The following SGCD variants were observed in gnomAD, a reference collection of about 807,000 sequenced individuals.
SGCD encodes the protein delta-sarcoglycan.
A neutral mutation model predicts 36.6 loss-of-function variants in SGCD; 18 were observed. The ratio of observed to expected loss-of-function variants is 0.49; its 90% CI spans 0.34 to 0.73. The LOEUF is 0.73. SGCD is among the 30% of genes least tolerant of loss of function. SGCD has a pLI of 0.01. For missense variants in SGCD, 387 were observed against 346.7 expected, an observed-to-expected ratio of 1.12 and a Z score of -0.92; for synonymous variants, 133 against 130.6, an observed-to-expected ratio of 1.02 and a Z score of -0.12.
intron 7 of SGCD, among the ~76,000 whole-genome samples, chr5:156,714,345 A>G (rs1414127652): frequency 6.6e-6 from 1 of 152,316 alleles, no homozygotes; most frequent in African/African-American, 2.4e-5. Context: ...GCCCCCAACT[A>G]TAGTCCTGAA....
intron 7 of SGCD, among the ~76,000 whole-genome samples, chr5:156,707,944 CCACTGGTGT>C (rs1477764560): frequency 6.6e-6 from 1 of 152,040 alleles, no homozygotes; most frequent in African/African-American, 2.4e-5. Context: ...GGAGAGCATA[CCACTGGTGT>C]CACTCAGGAT....
At chr5:156,710,513 A>G (rs1017651193) in intron 7 of SGCD, among the ~76,000 whole-genome samples, 2 of 152,224 alleles carry the variant, frequency 1.3e-5, no homozygotes, top group Admixed American at 6.5e-5. Flanking sequence ...CACGTGCCCA[A>G]GGTGGTTGGG....
intron 1 of SGCD, among the ~76,000 whole-genome samples, chr5:156,115,137 A>G (rs1761879489): frequency 6.6e-6 from 1 of 152,090 alleles, no homozygotes; most frequent in South Asian, 2.1e-4. Flanking sequence ...ATGGAAATAA[A>G]TTGTTTTTAT....
At chr5:156,514,601 C>T (rs548825767) in intron 4 of SGCD, among the ~76,000 whole-genome samples, 3 of 152,122 alleles carry the variant, frequency 2.0e-5, no homozygotes, top group South Asian at 2.1e-4. Context: ...CTCTGCCTAT[C>T]GTAAGATAGT....
intron 1 of SGCD, among the ~76,000 whole-genome samples, chr5:156,042,442 G>A (rs980743810): frequency 6.6e-6 from 1 of 152,130 alleles, no homozygotes; most frequent in Non-Finnish European, 1.5e-5. Context: ...TTTGCCCACT[G>A]CCCAGATAGA....
chr5:155,779,938 G>A, the SGCD span, among the ~76,000 whole-genome samples: 3 of 151,916 alleles, frequency 2.0e-5, no homozygotes, highest in African/African-American at 7.3e-5. Context: ...GGACACTCAG[G>A]TTTCCTCTTT....
At chr5:156,296,600 G>A (rs1766898406) in intron 3 of SGCD, among the ~76,000 whole-genome samples, 1 of 151,938 alleles carries the variant, frequency 6.6e-6, no homozygotes, top group Non-Finnish European at 1.5e-5. Context: ...TGAATTTTTC[G>A]ATTTTCCTTC....
chr5:156,462,992 A>G (rs905947079), intron 3 of SGCD, among the ~76,000 whole-genome samples: 1 of 152,192 alleles, frequency 6.6e-6, no homozygotes, highest in Non-Finnish European at 1.5e-5. Flanking sequence ...CTTATTCTTG[A>G]GAAAAGTTCA....
intron 1 of SGCD, among the ~76,000 whole-genome samples, chr5:155,954,522 A>G (rs1476176861): frequency 1.3e-5 from 2 of 152,070 alleles, no homozygotes; most frequent in Admixed American, 6.6e-5. Flanking sequence ...CCATCTGTAC[A>G]ACAAGGATAA....
At chr5:156,521,254 A>T (rs1757391517) in intron 4 of SGCD, among the ~76,000 whole-genome samples, 1 of 152,182 alleles carries the variant, frequency 6.6e-6, no homozygotes, top group South Asian at 2.1e-4. Context: ...AAAACTCTAG[A>T]AGAAAATCTA....
chr5:155,756,281 A>G, the SGCD span, among the ~76,000 whole-genome samples: 1 of 152,232 alleles, frequency 6.6e-6, no homozygotes, highest in East Asian at 1.9e-4. Flanking sequence ...TCCATAGGGT[A>G]CTGATTATCC....
chr5:156,608,629 A>T (rs1386941917), intron 6 of SGCD, among the ~76,000 whole-genome samples: 1 of 152,100 alleles, frequency 6.6e-6, no homozygotes, highest in Non-Finnish European at 1.5e-5. Flanking sequence ...GATCTGTCTA[A>T]TGTTGACAGT....
At chr5:156,194,667 T>TTAAACCTGCTCTTCCGTACCTTGCTTTA (rs1763978234) in intron 3 of SGCD, among the ~76,000 whole-genome samples, 1 of 151,958 alleles carries the variant, frequency 6.6e-6, no homozygotes, top group Non-Finnish European at 1.5e-5. Flanking sequence ...TATAATATAA[T>TTAAACCTGCTCTTCCGTACCTTGCTTTA]TGACAAGTAA....
intron 4 of SGCD, among the ~76,000 whole-genome samples, chr5:156,527,067 C>T (rs762148221): frequency 2.6e-5 from 4 of 152,300 alleles, no homozygotes; most frequent in Middle Eastern, 3.4e-3. Flanking sequence ...TCCTCAAATT[C>T]TTCCTCATTG....
At chr5:156,352,550 C>T (rs1769310827) in intron 3 of SGCD, among the ~76,000 whole-genome samples, 1 of 152,266 alleles carries the variant, frequency 6.6e-6, no homozygotes, top group South Asian at 2.1e-4. Flanking sequence ...ATGGTAGGAC[C>T]TCAGTAAATG....
At chr5:156,607,030 T>A (rs1469149646) in intron 6 of SGCD, among the ~76,000 whole-genome samples, 1 of 152,314 alleles carries the variant, frequency 6.6e-6, no homozygotes, top group Non-Finnish European at 1.5e-5. Flanking sequence ...AATTGAATAC[T>A]CTTTGCTTCC....
chr5:156,097,944 G>A (rs1432190644), intron 1 of SGCD, among the ~76,000 whole-genome samples: 1 of 152,036 alleles, frequency 6.6e-6, no homozygotes, highest in African/African-American at 2.4e-5. Context: ...GTGTTATTTT[G>A]GCATGCTTGG....
chr5:155,878,442 T>G (rs1157448372), intron 1 of SGCD, among the ~76,000 whole-genome samples: 1 of 152,096 alleles, frequency 6.6e-6, no homozygotes, highest in Non-Finnish European at 1.5e-5. Context: ...CAGTTTTTTT[T>G]TTCCTTTATT....
At chr5:156,495,687 A>G (rs958867686) in intron 3 of SGCD, among the ~76,000 whole-genome samples, 2 of 152,148 alleles carry the variant, frequency 1.3e-5, no homozygotes, top group Admixed American at 6.5e-5. Flanking sequence ...TAATCTGAAC[A>G]CTTGGCATAG....
Sources: allele counts gnomAD v4.1 joint callset (sites outside exome capture counted in the v4.1 genomes callset), GRCh38; gene constraint gnomAD v4.1.1; transcripts MANE v1.5; gene names NCBI Gene and HGNC (gene_info 2026-07-23, HGNC 2026-07-21).